The following RUNX1 variants were observed in gnomAD, a reference collection of about 807,000 sequenced individuals.
The protein encoded by RUNX1 is RUNX family transcription factor 1, also known as runt-related transcription factor 1.
Under a neutral mutation model 42.8 loss-of-function variants are expected in RUNX1, and 19 were observed. The ratio of observed to expected loss-of-function variants is 0.44; its 90% CI spans 0.31 to 0.65. RUNX1 has a LOEUF of 0.65. RUNX1 is among the 30% of genes least tolerant of loss of function. The pLI is 0.07. For synonymous variants in RUNX1, 271 were observed against 289.4 expected (o/e 0.94, Z 0.64); for missense variants, 528 against 672.0 (o/e 0.79, Z 2.37).
intron 2 of RUNX1, among the ~76,000 whole-genome samples, chr21:35,036,032 G>T (rs1294098888): frequency 1.3e-5 from 2 of 152,186 alleles, no homozygotes; most frequent in African/African-American, 4.8e-5. Flanking sequence ...ACCCAAGTTG[G>T]GTCTGAAGGT....
chr21:34,883,040 C>T (rs1298765375), intron 4 of RUNX1, among the ~76,000 whole-genome samples: 1 of 152,194 alleles, frequency 6.6e-6, no homozygotes, highest in African/African-American at 2.4e-5. Flanking sequence ...TTATCTGCCT[C>T]CTACTGCTGT....
chr21:34,951,672 A>G (rs909440764), intron 2 of RUNX1, among the ~76,000 whole-genome samples: 5 of 152,218 alleles, frequency 3.3e-5, no homozygotes, highest in African/African-American at 1.2e-4. Flanking sequence ...CAAAACCACA[A>G]TGAGATACCA....
At chr21:35,002,624 C>T (rs1403189160) in intron 2 of RUNX1, among the ~76,000 whole-genome samples, 3 of 151,888 alleles carry the variant, frequency 2.0e-5, no homozygotes, top group South Asian at 2.1e-4. Context: ...GACGGGGTTT[C>T]ACCATATTGG....
At chr21:34,870,182 A>G (rs1289407072) in intron 5 of RUNX1, among the ~76,000 whole-genome samples, 1 of 152,048 alleles carries the variant, frequency 6.6e-6, no homozygotes, top group Admixed American at 6.5e-5. Context: ...AAAAAAGCAG[A>G]CCTCTGGTTG....
rs1451712499 is a variant in RUNX1 at position 35,048,856 on chromosome 21, T to C, written c.44A>G (p.Gln15Arg). The C allele has an allele frequency of 6.2e-7, 1 of 1,613,834 alleles. No individual in the cohort carries two copies. Among genetic ancestry groups the C allele is most frequent in the African/African-American group, 1.3e-5 (1 of 75,014 alleles). ...SIFESFPSYP[Q>R]CFMRECILGM... ...CATGTACTCACCTCTCATGAAGCACTGTGGGTACGAAGGAAATGACTCAAA... is the reference window on the plus strand; with the variant it reads ...CATGTACTCACCTCTCATGAAGCACCGTGGGTACGAAGGAAATGACTCAAA... The change falls in exon 2 of 9, where the codon CAG (glutamine) becomes CGG (arginine). Residue 15 changes from glutamine to arginine, a missense_variant. Transcript: ENST00000675419.
At chr21:34,937,309 T>C (rs2058493178) in intron 2 of RUNX1, among the ~76,000 whole-genome samples, 1 of 117,388 alleles carries the variant, frequency 8.5e-6, no homozygotes, top group Non-Finnish European at 1.7e-5. Context: ...TGTAACATTG[T>C]GGCCATCAGC....
At position 34,881,005 on chromosome 21, in the gene RUNX1, A is replaced by G. The variant is rs111271072; in HGVS notation, c.352-292T>C. 0.014 allele frequency among the ~76,000 whole-genome samples: 2,196 copies of G among 152,326 alleles called. 64 individuals are homozygous for G. The highest frequency in any genetic ancestry group is 0.05 in the African/African-American group (2,084 of 41,558). Reference sequence around the variant, plus strand: ...TAATACATTATGTATAACTATATGTAAATTTTCAAATAGTGACACATATAC... The same window carrying G: ...TAATACATTATGTATAACTATATGTGAATTTTCAAATAGTGACACATATAC... On this transcript the variant is annotated intron_variant, in intron 4 of 8. Transcript: ENST00000675419.
intron 2 of RUNX1, among the ~76,000 whole-genome samples, chr21:34,944,670 C>T (rs2146644811): frequency 6.6e-6 from 1 of 152,192 alleles, no homozygotes; most frequent in East Asian, 1.9e-4. Flanking sequence ...GCACATGCTG[C>T]AGTGTGAATG....
intron 4 of RUNX1, 31 bp from the exon 5 acceptor site, chr21:34,880,744 A>T (rs2146364728): frequency 6.2e-7 from 1 of 1,612,462 alleles, no homozygotes; most frequent in Non-Finnish European, 8.5e-7. Context: ...AAATGCAGAC[A>T]TCAGGGATGT....
intron 2 of RUNX1, among the ~76,000 whole-genome samples, chr21:34,905,989 A>G (rs2058215046): frequency 6.6e-6 from 1 of 152,192 alleles, no homozygotes; most frequent in Non-Finnish European, 1.5e-5. Context: ...TAAAACAAGA[A>G]TCCTCTCTCC....
chr21:34,837,597 C>A (rs1237915015), intron 6 of RUNX1, among the ~76,000 whole-genome samples: 1 of 152,134 alleles, frequency 6.6e-6, no homozygotes, highest in Non-Finnish European at 1.5e-5. Flanking sequence ...GGCTCATTTG[C>A]CCCCCGAATG....
chr21:34,930,226 T>A (rs956252707), intron 2 of RUNX1, among the ~76,000 whole-genome samples: 20 of 133,864 alleles, frequency 1.5e-4, no homozygotes, highest in Admixed American at 2.2e-4. Flanking sequence ...TGTATATATA[T>A]TATATATACA....
chr21:34,953,653 T>C (rs2058624630), intron 2 of RUNX1, among the ~76,000 whole-genome samples: 1 of 152,220 alleles, frequency 6.6e-6, no homozygotes, highest in South Asian at 2.1e-4. Context: ...AAATGACTAC[T>C]TTCTTCTGAT....
At chr21:34,860,620 A>G (rs1042661303) in intron 5 of RUNX1, among the ~76,000 whole-genome samples, 1 of 152,110 alleles carries the variant, frequency 6.6e-6, no homozygotes, top group Admixed American at 6.6e-5. Flanking sequence ...CATTTGATTA[A>G]GTCTGATGTT....
intron 2 of RUNX1, among the ~76,000 whole-genome samples, chr21:34,981,432 C>G (rs1163121478): frequency 6.6e-6 from 1 of 152,100 alleles, no homozygotes; most frequent in African/African-American, 2.4e-5. Context: ...AAACATTGAG[C>G]AAATAAAAAT....
At chr21:34,993,778 GAC>G (rs780503078) in intron 2 of RUNX1, among the ~76,000 whole-genome samples, 35 of 47,858 alleles carry the variant, frequency 7.3e-4, no homozygotes, top group Middle Eastern at 0.016. Flanking sequence ...CACACACACA[GAC>G]ACACACACAC....
At chr21:34,914,490 T>C (rs1430125861) in intron 2 of RUNX1, among the ~76,000 whole-genome samples, 2 of 152,050 alleles carry the variant, frequency 1.3e-5, no homozygotes, top group Non-Finnish European at 2.9e-5. Flanking sequence ...ACAATATGAA[T>C]CTCTTGACAG....
chr21:34,878,942 C>T (rs544201382), intron 5 of RUNX1, among the ~76,000 whole-genome samples: 1 of 152,340 alleles, frequency 6.6e-6, no homozygotes, highest in South Asian at 2.1e-4. Context: ...AAGACCCACA[C>T]AGATGCATAG....
chr21:34,849,035 C>T (rs1032446368), intron 6 of RUNX1, among the ~76,000 whole-genome samples: 12 of 150,566 alleles, frequency 8.0e-5, no homozygotes, highest in African/African-American at 2.0e-4. Context: ...ATCAAATGTT[C>T]GACATTTCAG....
Sources: gnomAD v4.1 joint callset for allele counts (sites outside exome capture counted in the v4.1 genomes callset) on GRCh38, gnomAD v4.1.1 for gene constraint, MANE v1.5 for transcripts, NCBI Gene and HGNC (gene_info 2026-07-23, HGNC 2026-07-21) for gene names.